The following CAMK2D variants were observed in gnomAD, a reference collection of about 807,000 sequenced individuals.
CAMK2D encodes calcium/calmodulin dependent protein kinase II delta.
CAMK2D carries 37 observed loss-of-function variants against 84.0 expected under a neutral mutation model. The ratio of observed to expected loss-of-function variants is 0.44; its 90% CI spans 0.34 to 0.58. The LOEUF (loss-of-function observed/expected upper bound fraction) is 0.58, where lower values mean the gene tolerates loss of function less well. Among genes scored for constraint, CAMK2D ranks in the 20% least tolerant of loss-of-function variants. The probability of loss-of-function intolerance (pLI) is 0.02; values close to 1 mark genes in which losing one functional copy is unlikely to be tolerated. For missense variants in CAMK2D, 448 were observed against 652.5 expected, an observed-to-expected ratio of 0.69 and a Z score of 3.41; for synonymous variants, 202 against 212.5, an observed-to-expected ratio of 0.95 and a Z score of 0.43.
At chr4:113,479,261 T>C (rs2097669639) in intron 16 of CAMK2D, among the ~76,000 whole-genome samples, 1 of 152,234 alleles carries the variant, frequency 6.6e-6, no homozygotes. Flanking sequence ...ATTCACATTT[T>C]ACTTTTGTGG....
rs562141241 is a variant in CAMK2D, at chr4:113,473,601, T to C, written c.1136-7997A>G. On this transcript the variant is annotated intron_variant, in intron 16 of 20. Coordinates refer to ENST00000511664, the MANE Select transcript of CAMK2D (RefSeq NM_001321571.2). ...GTCACCTGTTGAATAACATCAACTT[T>C]TCACCCTTTAATTACTAGAGGCTTT... is the stretch of plus-strand genomic sequence containing the variant. Among the ~76,000 whole-genome samples, 4 of 152,322 alleles carry C rather than the reference T, an allele frequency of 2.6e-5. No homozygotes were observed. The East Asian group carries it at 7.7e-4, about 29-fold the overall frequency.
chr4:113,719,625 G>A (rs966801583), intron 2 of CAMK2D, among the ~76,000 whole-genome samples: 3 of 152,164 alleles, frequency 2.0e-5, no homozygotes, highest in African/African-American at 7.2e-5. Context: ...AGCTAAATAC[G>A]TATGATTCAC....
chr4:113,705,060 G>A (rs1369857414), intron 2 of CAMK2D, among the ~76,000 whole-genome samples: 2 of 151,714 alleles, frequency 1.3e-5, no homozygotes, highest in South Asian at 2.1e-4. Flanking sequence ...GGTAGATTCC[G>A]GCCAGGCACG....
chr4:113,645,055 C>T (rs1036216415), intron 3 of CAMK2D, among the ~76,000 whole-genome samples: 14 of 152,222 alleles, frequency 9.2e-5, no homozygotes, highest in Non-Finnish European at 1.3e-4. Flanking sequence ...CTCGCTCTGT[C>T]GCCCAGGCTG....
At position 113,707,216 on chromosome 4, in the gene CAMK2D, G is replaced by T. The variant is rs570620060; in HGVS notation, c.161-45444C>A. ...TTTCTTATTTTACTCATCACTGCTT[G>T]ACTCATGCTGGCTATCCATGCCCAG... On this transcript the variant is annotated intron_variant, in intron 2 of 20. Transcript: ENST00000511664. Among the ~76,000 whole-genome samples, 6 of 152,198 alleles carry T rather than the reference G, an allele frequency of 3.9e-5. No homozygotes were observed. In the South Asian group the frequency reaches 1.0e-3, roughly 26 times the overall value.
chr4:113,530,324 T>G (rs1468200613), intron 8 of CAMK2D, among the ~76,000 whole-genome samples: 1 of 152,206 alleles, frequency 6.6e-6, no homozygotes, highest in African/African-American at 2.4e-5. Flanking sequence ...TTTAAATATT[T>G]TTTAGCATAA....
Position 113,629,335 on chromosome 4 carries a change from A to T in CAMK2D, c.221-20129T>A, listed in dbSNP as rs1043396464. Among the ~76,000 whole-genome samples the T allele has an allele frequency of 2.6e-5, 4 of 152,130 alleles. No individual in the cohort carries two copies. The East Asian group carries it at 5.8e-4, about 22-fold the overall frequency. On this transcript the variant is annotated intron_variant, in intron 3 of 20. Coordinates refer to ENST00000511664, the MANE Select transcript of CAMK2D (RefSeq NM_001321571.2). Reference sequence around the variant, plus strand: ...GCCATAGTCAATTTTGAAAATCAAAAATAGACTCAAATTTTTTTAAATACT... The same window carrying T: ...GCCATAGTCAATTTTGAAAATCAAATATAGACTCAAATTTTTTTAAATACT...
At chr4:113,608,511 A>T (rs1465732937) in intron 4 of CAMK2D, among the ~76,000 whole-genome samples, 2 of 152,184 alleles carry the variant, frequency 1.3e-5, no homozygotes, top group East Asian at 3.8e-4. Flanking sequence ...TATACTTTCC[A>T]TGGACTTTGT....
intron 3 of CAMK2D, among the ~76,000 whole-genome samples, chr4:113,650,301 C>T (rs1373122935): frequency 3.3e-5 from 5 of 150,964 alleles, no homozygotes; most frequent in African/African-American, 7.3e-5. Context: ...GGGTGGATCA[C>T]GAGGTCAGGA....
At chr4:113,539,529 T>A (rs2098515889) in intron 6 of CAMK2D, among the ~76,000 whole-genome samples, 2 of 152,234 alleles carry the variant, frequency 1.3e-5, no homozygotes, top group Non-Finnish European at 2.9e-5. Flanking sequence ...GCATTGTGCC[T>A]CAAGCACCAA....
chr4:113,758,182 T>C lies in CAMK2D; in HGVS notation c.160+1138A>G, dbSNP rs1309615822. Among the ~76,000 whole-genome samples the C allele has an allele frequency of 2.0e-5, 3 of 152,204 alleles. No individual in the cohort carries two copies. The South Asian group carries it at 6.2e-4, about 31-fold the overall frequency. On this transcript the variant is annotated intron_variant, in intron 2 of 20. Transcript: ENST00000511664. ...CATAATTAACATAATATTCTTCTCA[T>C]TAGTTTTCATACCATGATTCTATGG... is the stretch of plus-strand genomic sequence containing the variant.
intron 3 of CAMK2D, among the ~76,000 whole-genome samples, chr4:113,623,383 T>TACACAC (rs144980152): frequency 1.3e-5 from 2 of 150,508 alleles, no homozygotes; most frequent in African/African-American, 2.4e-5. Context: ...GATGTGTATA[T>TACACAC]ACACACACAC....
At chr4:113,502,452 C>T (rs2352600) in intron 15 of CAMK2D, among the ~76,000 whole-genome samples, 1 of 130,630 alleles carries the variant, frequency 7.7e-6, no homozygotes, top group Non-Finnish European at 1.6e-5. Context: ...ATTAAGAAAC[C>T]AAAAACCAAA....
At chr4:113,463,062 G>A (rs2097409797) in intron 17 of CAMK2D, among the ~76,000 whole-genome samples, 1 of 152,044 alleles carries the variant, frequency 6.6e-6, no homozygotes, top group South Asian at 2.1e-4. Context: ...TGTCTTATTA[G>A]GTCATGATAA....
At chr4:113,483,623 C>T (rs1456922790) in intron 16 of CAMK2D, among the ~76,000 whole-genome samples, 1 of 151,994 alleles carries the variant, frequency 6.6e-6, no homozygotes, top group Non-Finnish European at 1.5e-5. Context: ...CCAGGTTGGT[C>T]TCAAACTCCG....
At chr4:113,626,825 T>A (rs557397036) in intron 3 of CAMK2D, among the ~76,000 whole-genome samples, 5 of 152,306 alleles carry the variant, frequency 3.3e-5, no homozygotes, top group Non-Finnish European at 5.9e-5. Context: ...TAATTCACAA[T>A]GTTTTAAAAA....
chr4:113,651,291 A>G (rs1020428544), intron 3 of CAMK2D, among the ~76,000 whole-genome samples: 4 of 152,184 alleles, frequency 2.6e-5, no homozygotes, highest in Non-Finnish European at 5.9e-5. Flanking sequence ...GCTAGATATG[A>G]TTTTGTTAAA....
intron 2 of CAMK2D, among the ~76,000 whole-genome samples, chr4:113,662,339 A>G (rs956890722): frequency 2.0e-5 from 3 of 152,136 alleles, no homozygotes; most frequent in African/African-American, 7.2e-5. Context: ...TTACCTTTCT[A>G]TGTTTCCCTA....
At chr4:113,545,224 G>A (rs2098557442) in intron 6 of CAMK2D, among the ~76,000 whole-genome samples, 1 of 151,978 alleles carries the variant, frequency 6.6e-6, no homozygotes, top group Admixed American at 6.6e-5. Context: ...GTGGAGTATC[G>A]CATTACGTTA....
Sources: allele counts gnomAD v4.1 joint callset (sites outside exome capture counted in the v4.1 genomes callset), GRCh38; gene constraint gnomAD v4.1.1; transcripts MANE v1.5; gene names NCBI Gene and HGNC (gene_info 2026-07-23, HGNC 2026-07-21).